SEM1: variants seen among roughly 807,000 people sequenced by gnomAD.
SEM1 encodes the protein SEM1 26S proteasome subunit.
SEM1 carries 3 observed loss-of-function variants against 12.7 expected under a neutral mutation model. The ratio of observed to expected loss-of-function variants is 0.24; its 90% confidence interval spans 0.11 to 0.61. The LOEUF is 0.61. SEM1 is among the 20% of genes least tolerant of loss of function. The probability of loss-of-function intolerance (pLI) is 0.88; values close to 1 mark genes in which losing one functional copy is unlikely to be tolerated. For missense variants in SEM1, 59 were observed against 81.3 expected (o/e 0.73, Z 1.06); for synonymous variants, 30 against 27.8 (o/e 1.08, Z -0.25).
intron 2 of SEM1, among the ~76,000 whole-genome samples, chr7:96,567,411 T>C (rs1563063831): frequency 2.0e-5 from 3 of 151,680 alleles, no homozygotes; most frequent in Non-Finnish European, 3.0e-5. Flanking sequence ...TAATGTTATT[T>C]TATTGTTTGT....
chr7:96,632,786 T>G (rs1209646707), intron 2 of SEM1, among the ~76,000 whole-genome samples: 3 of 9,880 alleles, frequency 3.0e-4, no homozygotes, highest in Non-Finnish European at 3.4e-3. Context: ...TGTTTTTTGT[T>G]TTTTTTTTTT....
At chr7:96,546,790 T>G (rs1805115246) in intron 2 of SEM1, among the ~76,000 whole-genome samples, 1 of 152,072 alleles carries the variant, frequency 6.6e-6, no homozygotes, top group Admixed American at 6.6e-5. Context: ...AAAACAGCAT[T>G]GAGGGTGTGA....
chr7:96,673,869 A>G (rs1331397547), intron 2 of SEM1: 1 of 764,716 alleles, frequency 1.3e-6, no homozygotes, highest in Non-Finnish European at 2.4e-6. Flanking sequence ...CCTGGAAAAC[A>G]GACTTTGTGT....
intron 2 of SEM1, among the ~76,000 whole-genome samples, chr7:96,606,791 A>G (rs1170918022): frequency 6.6e-6 from 1 of 152,116 alleles, no homozygotes; most frequent in Non-Finnish European, 1.5e-5. Flanking sequence ...GCACATTTGT[A>G]CCATTTTCCC....
intron 1 of SEM1, among the ~76,000 whole-genome samples, chr7:96,488,224 C>T (rs1802850967): frequency 6.6e-6 from 1 of 152,000 alleles, no homozygotes; most frequent in Admixed American, 6.6e-5. Flanking sequence ...AATGGGAGGC[C>T]TGAGCAATCA....
At chr7:96,656,816 C>A (rs1056581853) in intron 2 of SEM1, among the ~76,000 whole-genome samples, 1 of 150,130 alleles carries the variant, frequency 6.7e-6, no homozygotes, top group Non-Finnish European at 1.5e-5. Flanking sequence ...CTGATATAGC[C>A]CAGTTGAAGA....
rs61049763 is a variant in SEM1, at chr7:96,541,443, G to GTT, written c.171-34747_171-34746dup. On this transcript the variant is annotated intron_variant and NMD_transcript_variant, in intron 2 of 3. Transcript: ENST00000466986. The stretch of plus-strand genomic sequence containing the variant: ...CACTTTTTAATGGGTTTTTTTTTTT[G>GTT]TTTTTTTTTTTTTTTTGCTGAATTG... Among the ~76,000 whole-genome samples the GTT allele has an allele frequency of 3.3e-3, 334 of 102,378 alleles. 2 individuals carry two copies. The highest frequency in any genetic ancestry group is 8.7e-3 in the African/African-American group (230 of 26,370). 67.2% of individuals were successfully genotyped at this position (102,378 alleles called of 152,430 possible).
intron 2 of SEM1, among the ~76,000 whole-genome samples, chr7:96,655,442 CTTTT>C (rs72335497): frequency 1.5e-5 from 2 of 137,712 alleles, no homozygotes; most frequent in Non-Finnish European, 3.1e-5. Flanking sequence ...ATGCAAATAC[CTTTT>C]TTTTTTTTTT....
chr7:96,701,785 G>A (rs1250278966), intron 1 of SEM1, among the ~76,000 whole-genome samples: 2 of 152,086 alleles, frequency 1.3e-5, no homozygotes. Flanking sequence ...ACTATCTAGT[G>A]TAGCAAGCTT....
intron 2 of SEM1, among the ~76,000 whole-genome samples, chr7:96,534,147 G>A (rs1283170035): frequency 6.6e-6 from 1 of 151,998 alleles, no homozygotes; most frequent in Non-Finnish European, 1.5e-5. Context: ...TTTATACTTA[G>A]GTGTTTGGCA....
Position 96,485,688 on chromosome 7 carries a change from G to A in SEM1, c.227+515C>T, listed in dbSNP as rs577177606. 1.1e-4 allele frequency among the ~76,000 whole-genome samples: 16 copies of A among 151,666 alleles called. No individual in the cohort carries two copies. In the South Asian group the frequency reaches 2.3e-3, roughly 22 times the overall value. Reference sequence around the variant, plus strand: ...CTCCCAAGTAGCTGGGACTACAGGCGCATGCCACCATGCCCTGTATTTTCT... The same window carrying A: ...CTCCCAAGTAGCTGGGACTACAGGCACATGCCACCATGCCCTGTATTTTCT... On this transcript the variant is annotated intron_variant, in intron 2 of 3. Transcript: ENST00000356686.
chr7:96,643,410 T>G (rs1049354658), intron 2 of SEM1, among the ~76,000 whole-genome samples: 1 of 152,142 alleles, frequency 6.6e-6, no homozygotes, highest in Non-Finnish European at 1.5e-5. Flanking sequence ...GCAGTTTTGT[T>G]ACATAGGTAT....
intron 1 of SEM1, chr7:96,496,280 C>T (rs1288190814): frequency 5.9e-6 from 9 of 1,513,406 alleles, no homozygotes; most frequent in Non-Finnish European, 8.0e-6. Flanking sequence ...ATATCAGTTC[C>T]TACCTGGCAA....
At chr7:96,508,351 G>A (rs1304320285) in intron 2 of SEM1, among the ~76,000 whole-genome samples, 1 of 151,984 alleles carries the variant, frequency 6.6e-6, no homozygotes, top group African/African-American at 2.4e-5. Flanking sequence ...GAAATAGAGG[G>A]AAAGAAGAGA....
intron 2 of SEM1, among the ~76,000 whole-genome samples, chr7:96,519,989 A>G (rs1232040582): frequency 6.6e-6 from 1 of 152,124 alleles, no homozygotes; most frequent in Non-Finnish European, 1.5e-5. Context: ...ATGGGAAGTG[A>G]AACCCACTTC....
In SEM1 at chr7:96,527,880, G is replaced by A. The variant is rs11768121; in HGVS notation, c.171-21182C>T. Reference sequence around the variant, plus strand: ...GATGGCATGTTCTGAGTTCTTTTTTGTTGTTGTTGTTACTCTTTGGAAATA... The same window carrying A: ...GATGGCATGTTCTGAGTTCTTTTTTATTGTTGTTGTTACTCTTTGGAAATA... On this transcript the variant is annotated intron_variant and NMD_transcript_variant, in intron 2 of 3. Coordinates refer to the SEM1 transcript ENST00000466986. Among the ~76,000 whole-genome samples, 1,025 of 152,096 alleles carry A rather than the reference G, an allele frequency of 6.7e-3. 6 individuals carry two copies. Among genetic ancestry groups the A allele is most frequent in the South Asian group, 0.025 (119 of 4,814 alleles).
At chr7:96,554,907 T>C (rs6465519) in intron 2 of SEM1, among the ~76,000 whole-genome samples, 125,282 of 133,866 alleles carry the variant, frequency 0.94, 58,828 homozygotes, top group Non-Finnish European at 0.98. Context: ...GATTCAACTT[T>C]TTCCTGGTTT....
intron 2 of SEM1, among the ~76,000 whole-genome samples, chr7:96,634,551 TTCTC>T (rs987385926): frequency 1.3e-5 from 2 of 149,544 alleles, no homozygotes; most frequent in Non-Finnish European, 3.0e-5. Flanking sequence ...AATGCTCTTT[TTCTC>T]TCTCTCATAT....
intron 2 of SEM1, among the ~76,000 whole-genome samples, chr7:96,617,010 G>C (rs1273888046): frequency 6.6e-6 from 1 of 151,978 alleles, no homozygotes; most frequent in African/African-American, 2.4e-5. Flanking sequence ...TTTTGTTCAG[G>C]ATTGCTTTGG....
Sources: gnomAD v4.1 joint callset for allele counts (sites outside exome capture counted in the v4.1 genomes callset) on GRCh38, gnomAD v4.1.1 for gene constraint, MANE v1.5 for transcripts, NCBI Gene and HGNC (gene_info 2026-07-23, HGNC 2026-07-21) for gene names.